Variants in HGD observed in about 807,000 individuals in gnomAD.
HGD encodes homogentisate oxidase.
In HGD, 61 loss-of-function variants were observed where a neutral mutation model predicts 60.8. The observed-to-expected ratio is 1.00, with a 90% CI of 0.82 to 1.24. The LOEUF (loss-of-function observed/expected upper bound fraction) is 1.24, where lower values mean the gene tolerates loss of function less well. HGD is among the 50% of genes most tolerant of loss of function. The pLI, the probability that HGD is intolerant of heterozygous loss-of-function variation, is 0.00. For missense variants in HGD, 542 were observed against 547.1 expected, an observed-to-expected ratio of 0.99 and a Z score of 0.09; for synonymous variants, 212 against 187.7, an observed-to-expected ratio of 1.13 and a Z score of -1.06.
chr3:120,647,023 T>C lies in HGD; in HGVS notation c.499A>G (p.Thr167Ala), dbSNP rs1323668606. The part of the protein sequence containing the change: ...VPQKGNLLIY[T>A]EFGKMLVQPN... ...TGTACAAGCATCTTGCCAAACTCGG[T>C]GTAAATGAGAAGGTTCCCTTTCTGC... Residue 167 changes from threonine (T) to alanine (A), a missense_variant, in exon 8 of 14, where the codon ACC (threonine) becomes GCC (alanine). Thr to Ala is a moderately conservative substitution (Grantham distance 58). This residue lies in a region of HGD where 537 missense variants were observed against 529.1 expected (regional missense o/e 1.01). Transcript: ENST00000283871. 6.2e-7 allele frequency: 1 copy of C among 1,614,050 alleles called. No individual in the cohort carries two copies. Among genetic ancestry groups the C allele is most frequent in the African/African-American group, 1.3e-5 (1 of 75,022 alleles).
intron 12 of HGD, 111 bp downstream of exon 12, chr3:120,638,344 A>G: frequency 7.6e-7 from 1 of 1,320,452 alleles, no homozygotes; most frequent in Non-Finnish European, 1.1e-6. Context: ...TCCTGAATTC[A>G]TGCCATGGTG....
chr3:120,629,726 G>A (rs532432045), intron 13 of HGD, among the ~76,000 whole-genome samples: 2 of 152,138 alleles, frequency 1.3e-5, no homozygotes, highest in Non-Finnish European at 2.9e-5. Context: ...ATAAGACAAG[G>A]ATGCTCTCTC....
At chr3:120,663,409 G>T (rs1346453126) in intron 4 of HGD, among the ~76,000 whole-genome samples, 2 of 152,166 alleles carry the variant, frequency 1.3e-5, no homozygotes. Context: ...GCCTCACAAT[G>T]ATAGCAGAAG....
At chr3:120,629,177 T>C (rs1196526627) in intron 13 of HGD, among the ~76,000 whole-genome samples, 2 of 152,210 alleles carry the variant, frequency 1.3e-5, no homozygotes, top group African/African-American at 4.8e-5. Context: ...AGGAGGTTTT[T>C]GTCCACAACA....
intron 4 of HGD, among the ~76,000 whole-genome samples, chr3:120,669,291 GATATTTTGACCAACCTATAAAATATAAA>G (rs1707972238): frequency 1.3e-5 from 2 of 151,914 alleles, no homozygotes; most frequent in African/African-American, 4.8e-5. Context: ...TGAGCATGTA[GATATTTTGACCAACCTATAAAATATAAA>G]ATATTTTGAC....
intron 12 of HGD, among the ~76,000 whole-genome samples, chr3:120,635,036 C>A (rs1462656575): frequency 6.6e-6 from 1 of 152,210 alleles, no homozygotes; most frequent in Non-Finnish European, 1.5e-5. Flanking sequence ...GGGTCACCTT[C>A]ATGGCTTAAT....
chr3:120,661,136 T>C (rs1707758361), intron 4 of HGD, among the ~76,000 whole-genome samples: 2 of 152,206 alleles, frequency 1.3e-5, no homozygotes, highest in South Asian at 4.1e-4. Flanking sequence ...CAGACCCTCT[T>C]ACTAACCTAC....
At chr3:120,670,826 G>A (rs1366229591) in intron 3 of HGD, among the ~76,000 whole-genome samples, 1 of 152,150 alleles carries the variant, frequency 6.6e-6, no homozygotes, top group African/African-American at 2.4e-5. Flanking sequence ...AAAACTATAA[G>A]GGAAGGGGAA....
intron 12 of HGD, among the ~76,000 whole-genome samples, chr3:120,634,711 T>C (rs1313993551): frequency 6.6e-6 from 1 of 152,120 alleles, no homozygotes. Context: ...AATCAAACAC[T>C]GGACATGATA....
chr3:120,647,513 A>G (rs1443292991), intron 7 of HGD, among the ~76,000 whole-genome samples: 5 of 152,222 alleles, frequency 3.3e-5, no homozygotes, highest in African/African-American at 1.2e-4. Context: ...TTGAATTTAA[A>G]TTGCAGTTAC....
chr3:120,632,967 A>T (rs1298912813), intron 13 of HGD, among the ~76,000 whole-genome samples, 180 bp downstream of exon 13: 1 of 152,232 alleles, frequency 6.6e-6, no homozygotes, highest in Admixed American at 6.5e-5. Flanking sequence ...CCACCACAAC[A>T]GAAGTCTAGT....
chr3:120,641,479 T>G, intron 11 of HGD, 110 bp downstream of exon 11: 1 of 794,120 alleles, frequency 1.3e-6, no homozygotes, highest in South Asian at 1.4e-5. Context: ...ATCTAGGGCT[T>G]CCAATGGTGA....
intron 9 of HGD, among the ~76,000 whole-genome samples, chr3:120,645,121 T>C (rs555377728): frequency 3.9e-5 from 6 of 152,338 alleles, no homozygotes; most frequent in Admixed American, 3.9e-4. Flanking sequence ...TTCCAGCTCC[T>C]GGACTTAAAA....
chr3:120,680,149 T>C (rs558802340), intron 1 of HGD, among the ~76,000 whole-genome samples: 2 of 152,324 alleles, frequency 1.3e-5, no homozygotes, highest in East Asian at 3.9e-4. Flanking sequence ...CTCAAATACA[T>C]AGGGTATTTC....
At chr3:120,677,412 C>T (rs1347129353) in intron 1 of HGD, among the ~76,000 whole-genome samples, 1 of 152,176 alleles carries the variant, frequency 6.6e-6, no homozygotes. Flanking sequence ...AACAGCCCCC[C>T]TCCAGGTGCG....
At chr3:120,646,901 A>G in intron 8 of HGD, 72 bp downstream of exon 8, 1 of 1,184,764 alleles carries the variant, frequency 8.4e-7, no homozygotes, top group South Asian at 1.2e-5. Context: ...AGTTGGAAAT[A>G]GCAGCAGCTG....
At position 120,638,503 on chromosome 3, in the gene HGD, G is replaced by A; in HGVS notation, c.958C>T (p.Pro320Ser). ...GTCTTATCAGCAACCCCCCATCGAG[G>A]TGGGAAGATGACAAAATCAGCAATG... is the stretch of plus-strand genomic sequence containing the variant. ...VAIADFVIFP[P>S]RWGVADKTFR... Residue 320 changes from proline to serine, a missense_variant, in exon 12 of 14, where the codon CCT becomes TCT. Coordinates refer to ENST00000283871, the MANE Select transcript of HGD (RefSeq NM_000187.4). The A allele has an allele frequency of 1.9e-6, 3 of 1,613,956 alleles. No homozygotes were observed. Among genetic ancestry groups the A allele is most frequent in the Non-Finnish European group, 1.7e-6 (2 of 1,179,914 alleles).
chr3:120,634,443 T>G (rs1014767743), intron 12 of HGD, among the ~76,000 whole-genome samples: 2 of 152,122 alleles, frequency 1.3e-5, no homozygotes, highest in African/African-American at 4.8e-5. Flanking sequence ...CACATCTACT[T>G]ACCCATTCAT....
At position 120,650,848 on chromosome 3, in the gene HGD, A is replaced by G. The variant is rs149165166; in HGVS notation, c.360T>C (p.Cys120=). Residue 120 remains cysteine, a synonymous_variant, in exon 6 of 14, where the codon TGT becomes TGC. Coordinates refer to ENST00000283871, the MANE Select transcript of HGD (RefSeq NM_000187.4). ...TGTTAGACTTTATGTCTCCAGCTCC[A>G]CACAAGGTATGCAGGCCCTGGGAGA... ...VDFVSGLHTL[C]GAGDIKSNNG... The G allele has an allele frequency of 1.3e-4, 204 of 1,613,992 alleles. 1 individual carries two copies. The African/African-American group carries it at 2.5e-3, about 20-fold the overall frequency.
Sources: gnomAD v4.1 joint callset for allele counts (sites outside exome capture counted in the v4.1 genomes callset) on GRCh38, gnomAD v4.1.1 for gene constraint, gnomAD v4.1.1 regional missense constraint, MANE v1.5 for transcripts, NCBI Gene and HGNC (gene_info 2026-07-23, HGNC 2026-07-21) for gene names.